The following LPP variants were observed in gnomAD, a reference collection of about 807,000 sequenced individuals.
LPP encodes lipoma-preferred partner.
Under a neutral mutation model 60.4 loss-of-function variants are expected in LPP, and 38 were observed. The observed-to-expected ratio is 0.63, with a 90% CI of 0.49 to 0.83. The LOEUF (loss-of-function observed/expected upper bound fraction) is 0.83, where lower values mean the gene tolerates loss of function less well. Among genes scored for constraint, LPP ranks in the 40% least tolerant of loss-of-function variants. The pLI is 0.00. For synonymous variants in LPP, 328 were observed against 290.8 expected, an observed-to-expected ratio of 1.13 and a Z score of -1.30; for missense variants, 902 against 783.6, an observed-to-expected ratio of 1.15 and a Z score of -1.80.
chr3:188,789,770 A>G (rs1049999992), intron 9 of LPP, among the ~76,000 whole-genome samples: 2 of 152,244 alleles, frequency 1.3e-5, no homozygotes, highest in Non-Finnish European at 2.9e-5. Context: ...AAAAGAGTGA[A>G]CCTATCAACA....
rs1003810276 is a variant in LPP, at chr3:188,609,301, C to T, written c.570C>T (p.Pro190=). 1.2e-6 allele frequency: 2 copies of T among 1,614,132 alleles called. No individual in the cohort carries two copies. The highest frequency in any genetic ancestry group is 1.7e-5 in the Admixed American group (1 of 60,026). Residue 190 remains proline (P), a synonymous_variant, in exon 7 of 12, where the codon CCC becomes CCT. Transcript: ENST00000617246. The surrounding 1 kb of genome is among the most constrained non-coding windows in gnomAD (Gnocchi z 6.9). ...CACAGCCTGCACCCCAGGCTGGACCCATCCCTGTGGCTCCAATCGGAACAC... is the reference window on the plus strand; with the variant it reads ...CACAGCCTGCACCCCAGGCTGGACCTATCCCTGTGGCTCCAATCGGAACAC... The part of the protein sequence containing the change: ...LKPQPAPQAG[P]IPVAPIGTLK...
chr3:188,348,373 C>T (rs549279550), intron 3 of LPP, among the ~76,000 whole-genome samples: 24 of 152,240 alleles, frequency 1.6e-4, no homozygotes, highest in Admixed American at 5.9e-4. Context: ...GTCTCAAACT[C>T]CTGACCTCAG....
intron 3 of LPP, among the ~76,000 whole-genome samples, chr3:188,349,368 G>C (rs1180790986): frequency 6.6e-6 from 1 of 152,152 alleles, no homozygotes; most frequent in Non-Finnish European, 1.5e-5. Flanking sequence ...AAGCATATGG[G>C]TGCTTTCTGG....
At chr3:188,872,843 A>C (rs1379731891) in intron 11 of LPP, 80 bp downstream of exon 11, 2 of 1,577,620 alleles carry the variant, frequency 1.3e-6, no homozygotes, top group Non-Finnish European at 1.7e-6. Context: ...TAGATGTAGC[A>C]ATTACTAAAT....
chr3:188,449,504 A>G (rs1396496987), intron 4 of LPP, among the ~76,000 whole-genome samples: 3 of 152,200 alleles, frequency 2.0e-5, no homozygotes, highest in African/African-American at 7.2e-5. Context: ...TGTAATAACT[A>G]TAATAATCTC....
At chr3:188,734,448 CACTTA>C (rs1721780115) in intron 8 of LPP, among the ~76,000 whole-genome samples, 1 of 151,014 alleles carries the variant, frequency 6.6e-6, no homozygotes, top group Non-Finnish European at 1.5e-5. Context: ...TAAATACCCC[CACTTA>C]ACTTGCTATT....
At chr3:188,671,457 A>AT (rs1048515097) in intron 7 of LPP, among the ~76,000 whole-genome samples, 2 of 152,046 alleles carry the variant, frequency 1.3e-5, no homozygotes, top group African/African-American at 2.4e-5. Context: ...CCAATCAGCC[A>AT]TTTTTTTCTA....
chr3:188,250,808 C>CTTTCTTTCTTTCTCTTTCTT (rs749622593), intron 2 of LPP, among the ~76,000 whole-genome samples: 6 of 132,002 alleles, frequency 4.5e-5, no homozygotes, highest in African/African-American at 6.3e-5. Context: ...TTCTTTCTTT[C>CTTTCTTTCTTTCTCTTTCTT]TCTTTCTTTC....
intron 7 of LPP, among the ~76,000 whole-genome samples, chr3:188,670,470 T>A (rs923810659): frequency 7.9e-5 from 12 of 152,050 alleles, no homozygotes; most frequent in East Asian, 7.8e-4. Flanking sequence ...TTTGTTTTTT[T>A]ATCACTCAAG....
At chr3:188,491,171 A>G (rs192545514) in intron 5 of LPP, among the ~76,000 whole-genome samples, 273 of 152,316 alleles carry the variant, frequency 1.8e-3, no homozygotes, top group African/African-American at 6.3e-3. Flanking sequence ...GTATGGCCAC[A>G]TTCATTCATG....
chr3:188,738,558 A>G (rs1723308846), intron 8 of LPP, among the ~76,000 whole-genome samples: 1 of 152,184 alleles, frequency 6.6e-6, no homozygotes, highest in Non-Finnish European at 1.5e-5. Context: ...TCTTTAATTT[A>G]CTGTGGTTAT....
chr3:188,836,220 C>G (rs1222021937), intron 9 of LPP, among the ~76,000 whole-genome samples: 1 of 152,196 alleles, frequency 6.6e-6, no homozygotes, highest in Admixed American at 6.5e-5. Context: ...TATGGCTTCT[C>G]CACATCTTGA....
At chr3:188,375,494 A>T (rs1774748175) in intron 3 of LPP, among the ~76,000 whole-genome samples, 2 of 152,072 alleles carry the variant, frequency 1.3e-5, no homozygotes, top group Admixed American at 1.3e-4. Context: ...TTTATTTTAG[A>T]AGAGGTGTTT....
intron 3 of LPP, among the ~76,000 whole-genome samples, chr3:188,366,949 T>G (rs1268547674): frequency 6.6e-6 from 1 of 151,574 alleles, no homozygotes; most frequent in Non-Finnish European, 1.5e-5. Flanking sequence ...CAGGCTGGAG[T>G]GCAGTGGTGC....
At chr3:188,248,613 C>T (rs1727972363) in intron 2 of LPP, among the ~76,000 whole-genome samples, 1 of 151,366 alleles carries the variant, frequency 6.6e-6, no homozygotes, top group South Asian at 2.1e-4. Flanking sequence ...TTCTTGACCT[C>T]ATAATGTCTA....
chr3:188,198,939 C>A (rs1730279092), intron 1 of LPP, among the ~76,000 whole-genome samples: 1 of 152,166 alleles, frequency 6.6e-6, no homozygotes, highest in Non-Finnish European at 1.5e-5. Flanking sequence ...TGGTATACAA[C>A]AATCGTTTAG....
At chr3:188,455,744 A>G (rs1362242900) in intron 4 of LPP, among the ~76,000 whole-genome samples, 2 of 152,060 alleles carry the variant, frequency 1.3e-5, no homozygotes, top group Non-Finnish European at 2.9e-5. Context: ...TACTTACCCT[A>G]TAAAGAGAAT....
chr3:188,438,133 G>A (rs967727523), intron 4 of LPP, among the ~76,000 whole-genome samples: 3 of 151,976 alleles, frequency 2.0e-5, no homozygotes, highest in South Asian at 2.1e-4. Context: ...GGATCATGTC[G>A]TTTCATTGCA....
intron 3 of LPP, among the ~76,000 whole-genome samples, chr3:188,344,187 A>G (rs773316236): frequency 1.3e-5 from 2 of 152,222 alleles, no homozygotes; most frequent in Admixed American, 1.3e-4. Context: ...ATTAGCAAGG[A>G]TGAATAATAC....
Sources: gnomAD v4.1 joint callset for allele counts (sites outside exome capture counted in the v4.1 genomes callset) on GRCh38, gnomAD v4.1.1 for gene constraint, Gnocchi (gnomAD v3.1) non-coding constraint, MANE v1.5 for transcripts, NCBI Gene and HGNC (gene_info 2026-07-23, HGNC 2026-07-21) for gene names.